LMX1B: variants seen among roughly 807,000 people sequenced by gnomAD.
LMX1B encodes LIM homeobox transcription factor 1-beta.
In LMX1B, 12 loss-of-function variants were observed where a neutral mutation model predicts 51.4. The observed-to-expected ratio is 0.23, with a 90% confidence interval of 0.15 to 0.38. LMX1B has a LOEUF of 0.38. Ranked by LOEUF, LMX1B falls within the 10% of genes least tolerant of loss-of-function variation. The pLI, the probability that LMX1B is intolerant of heterozygous loss-of-function variation, is 1.00. For synonymous variants in LMX1B, 237 were observed against 235.4 expected, an observed-to-expected ratio of 1.01 and a Z score of -0.06; for missense variants, 445 against 571.1, an observed-to-expected ratio of 0.78 and a Z score of 2.25.
intron 6 of LMX1B, 120 bp downstream of exon 6, chr9:126,693,932 G>A (rs935204061): frequency 6.4e-6 from 4 of 629,748 alleles, no homozygotes; most frequent in Non-Finnish European, 1.1e-5. Flanking sequence ...GCCAGGGCTG[G>A]GACCGGGGCT....
intron 2 of LMX1B, among the ~76,000 whole-genome samples, chr9:126,665,040 G>C (rs768576379): frequency 6.6e-6 from 1 of 152,252 alleles, no homozygotes. Context: ...CGTCCTTAGC[G>C]CTGTGCTTGC....
intron 2 of LMX1B, among the ~76,000 whole-genome samples, chr9:126,684,249 C>T (rs187839751): frequency 2.0e-3 from 306 of 152,154 alleles, no homozygotes; most frequent in African/African-American, 6.9e-3. Flanking sequence ...GTCCCCAGTG[C>T]GGGGCATACC....
intron 2 of LMX1B, among the ~76,000 whole-genome samples, chr9:126,667,425 C>T (rs72762517): frequency 0.087 from 13,272 of 152,320 alleles, 752 homozygotes; most frequent in South Asian, 0.18. Context: ...ACACACCATA[C>T]ATCAGTGAGC....
At chr9:126,690,292 T>TGA (rs1206951043) in intron 2 of LMX1B, among the ~76,000 whole-genome samples, 3 of 152,180 alleles carry the variant, frequency 2.0e-5, no homozygotes, top group Non-Finnish European at 4.4e-5. Flanking sequence ...CCTGTGTGTG[T>TGA]GACGGTTCCT....
intron 2 of LMX1B, among the ~76,000 whole-genome samples, chr9:126,634,089 C>A (rs1378867873): frequency 6.6e-6 from 1 of 152,152 alleles, no homozygotes; most frequent in East Asian, 1.9e-4. Context: ...GCTCACTCAT[C>A]CAACCGGAAG....
At chr9:126,665,368 C>G (rs1265760611) in intron 2 of LMX1B, among the ~76,000 whole-genome samples, 4 of 152,214 alleles carry the variant, frequency 2.6e-5, no homozygotes, top group Non-Finnish European at 5.9e-5. Context: ...CCCTGCTAAC[C>G]GCTGCTCCTG....
intron 2 of LMX1B, among the ~76,000 whole-genome samples, chr9:126,645,536 T>C (rs1835883748): frequency 6.6e-6 from 1 of 152,202 alleles, no homozygotes. Context: ...GAGCATCTTG[T>C]TCAGTGAACA....
chr9:126,644,764 C>T (rs1042807841), intron 2 of LMX1B, among the ~76,000 whole-genome samples: 18 of 152,196 alleles, frequency 1.2e-4, no homozygotes, highest in African/African-American at 4.3e-4. Flanking sequence ...CCACCACCTT[C>T]GCAGGGTATG....
In LMX1B at chr9:126,696,502, AGCCTCTGCGGCCAGCCTG is replaced by A; in HGVS notation, c.*55_*72del. ...GGGCAGGGGCCTGGGGGGGACTGCCAGCCTCTGCGGCCAGCCTGGCCACCCCCGCCCTGCTCTCCGCAC... is the reference window on the plus strand; with the variant it reads ...GGGCAGGGGCCTGGGGGGGACTGCCAGCCACCCCCGCCCTGCTCTCCGCAC... On this transcript the variant is annotated 3_prime_UTR_variant, in exon 8 of 8. Coordinates refer to ENST00000373474, the MANE Select transcript of LMX1B (RefSeq NM_001174147.2). The A allele has an allele frequency of 1.2e-6, 2 of 1,605,604 alleles. No homozygotes were observed.
At chr9:126,660,124 AT>A (rs1836209872) in intron 2 of LMX1B, among the ~76,000 whole-genome samples, 1 of 93,420 alleles carries the variant, frequency 1.1e-5, no homozygotes, top group Non-Finnish European at 2.4e-5. Context: ...GCCCTTAGAG[AT>A]TGTCCTGTGT....
intron 1 of LMX1B, 150 bp downstream of exon 1, chr9:126,614,738 C>T: frequency 1.2e-6 from 1 of 862,878 alleles, no homozygotes; most frequent in Admixed American, 3.6e-5. Flanking sequence ...GAGTGATCGC[C>T]AGAGGGCCGC....
chr9:126,637,491 G>C (rs1835734551), intron 2 of LMX1B, among the ~76,000 whole-genome samples: 1 of 151,952 alleles, frequency 6.6e-6, no homozygotes, highest in African/African-American at 2.4e-5. Flanking sequence ...GGGGGTTGTG[G>C]GTGATTCTGT....
intron 2 of LMX1B, among the ~76,000 whole-genome samples, chr9:126,679,197 T>C (rs1836625945): frequency 6.6e-6 from 1 of 152,162 alleles, no homozygotes; most frequent in Admixed American, 6.5e-5. Flanking sequence ...ACAAATCATA[T>C]AGTGAAAGTT....
chr9:126,696,595 C>A lies in LMX1B; in HGVS notation c.*144C>A. The stretch of plus-strand genomic sequence containing the variant: ...CCTCCCCTCGGCCAGCTGGGCCTGA[C>A]CACTGTGCCCGTTGGGTACAGCCAG... On this transcript the variant is annotated 3_prime_UTR_variant, in exon 8 of 8. Coordinates refer to ENST00000373474, the MANE Select transcript of LMX1B (RefSeq NM_001174147.2). The A allele has an allele frequency of 1.1e-6, 1 of 907,552 alleles. No individual in the cohort carries two copies. The highest frequency in any genetic ancestry group is 1.7e-6 in the Non-Finnish European group (1 of 585,168). 56.2% of individuals were successfully genotyped at this position (907,552 alleles called of 1,614,324 possible).
chr9:126,615,594 C>T lies in LMX1B; in HGVS notation c.326+25C>T. On this transcript the variant is annotated intron_variant, in intron 2 of 7. Transcript: ENST00000373474. This position sits in a 1 kb window ranked among gnomAD's most constrained non-coding sequence, Gnocchi z 6.0. Reference sequence around the variant, plus strand: ...AGTAAGCGCTTCTCGTCCTCCTTCCCCGCCACCGCCCGGCACTCGAGCCCG... The same window carrying T: ...AGTAAGCGCTTCTCGTCCTCCTTCCTCGCCACCGCCCGGCACTCGAGCCCG... The T allele has an allele frequency of 6.3e-7, 1 of 1,582,960 alleles. No homozygotes were observed. Among genetic ancestry groups the T allele is most frequent in the South Asian group, 1.1e-5 (1 of 87,522 alleles).
chr9:126,667,208 G>A (rs564412368), intron 2 of LMX1B, among the ~76,000 whole-genome samples: 1 of 152,254 alleles, frequency 6.6e-6, no homozygotes, highest in South Asian at 2.1e-4. Context: ...TCCTTTTGAT[G>A]GGATCCATAT....
chr9:126,619,287 C>A lies in LMX1B; in HGVS notation c.326+3718C>A, dbSNP rs111915547. Among the ~76,000 whole-genome samples the A allele has an allele frequency of 5.1e-3, 778 of 152,338 alleles. 8 individuals carry two copies. Among genetic ancestry groups the A allele is most frequent in the Non-Finnish European group, 7.3e-3 (496 of 68,030 alleles). On this transcript the variant is annotated intron_variant, in intron 2 of 7. Coordinates refer to ENST00000373474, the MANE Select transcript of LMX1B (RefSeq NM_001174147.2). ...TTCTTGGGAGGCTCACCTCTCCCCC[C>A]ACACTCCCCATCCAGCTCCCGCGTT...
chr9:126,631,704 C>T (rs1440541168), intron 2 of LMX1B, among the ~76,000 whole-genome samples: 1 of 152,176 alleles, frequency 6.6e-6, no homozygotes, highest in Non-Finnish European at 1.5e-5. Context: ...AGAACTTAAC[C>T]AGATTTTTCA....
rs1400875519 is a variant in LMX1B at position 126,615,692 on chromosome 9, C to T, written c.326+123C>T. 5.7e-6 allele frequency: 5 copies of T among 883,982 alleles called. No individual in the cohort carries two copies. The highest frequency in any genetic ancestry group is 1.9e-5 in the South Asian group (1 of 51,392). The allele number at this position is 883,982 out of a possible 1,614,324, so 54.8% of individuals were successfully genotyped here. On this transcript the variant is annotated intron_variant, in intron 2 of 7. Coordinates refer to ENST00000373474, the MANE Select transcript of LMX1B (RefSeq NM_001174147.2). This position sits in a 1 kb window ranked among gnomAD's most constrained non-coding sequence, Gnocchi z 6.0. ...TGTGCGCGGCTGGGCCGGGCAGCTC[C>T]AAGGGTTCCGAGAGCTGCGCGTCTT...
Sources: allele counts gnomAD v4.1 joint callset (sites outside exome capture counted in the v4.1 genomes callset), GRCh38; gene constraint gnomAD v4.1.1; non-coding constraint Gnocchi (gnomAD v3.1); transcripts MANE v1.5; gene names NCBI Gene and HGNC (gene_info 2026-07-23, HGNC 2026-07-21).